Variants in MYO16 observed in about 807,000 individuals in gnomAD.
The protein encoded by MYO16 is myosin XVI, also known as unconventional myosin-XVI.
MYO16 carries 94 observed loss-of-function variants against 205.3 expected under a neutral mutation model. That is an observed-to-expected ratio of 0.46 (90% CI 0.39 to 0.54). MYO16 has a LOEUF of 0.54. Among genes scored for constraint, MYO16 ranks in the 20% least tolerant of loss-of-function variants. The pLI is 0.00. For synonymous variants in MYO16, 988 were observed against 954.0 expected, an observed-to-expected ratio of 1.04 and a Z score of -0.66; for missense variants, 2,315 against 2,387.5, an observed-to-expected ratio of 0.97 and a Z score of 0.63.
intron 34 of MYO16, among the ~76,000 whole-genome samples, chr13:109,181,822 T>C (rs1438942086): frequency 5.1e-5 from 7 of 138,464 alleles, no homozygotes. Context: ...ATTTATTTTA[T>C]TTTATTTTTT....
the MYO16 span, among the ~76,000 whole-genome samples, chr13:108,590,365 C>T: frequency 7.2e-5 from 11 of 151,970 alleles, no homozygotes; most frequent in Non-Finnish European, 1.0e-4. Flanking sequence ...TGATTGTAGC[C>T]GAGTATTGAT....
chr13:108,816,486 C>G (rs968049190), intron 7 of MYO16, among the ~76,000 whole-genome samples: 1 of 151,962 alleles, frequency 6.6e-6, no homozygotes, highest in Non-Finnish European at 1.5e-5. Context: ...CAGCATTAAC[C>G]ATATCTCTCC....
chr13:109,023,780 T>C (rs906513609), intron 23 of MYO16, among the ~76,000 whole-genome samples: 3 of 125,952 alleles, frequency 2.4e-5, no homozygotes, highest in Non-Finnish European at 3.3e-5. Flanking sequence ...TATATACATA[T>C]TATATGCATA....
At chr13:108,717,308 T>C (rs1444238974) in intron 3 of MYO16, among the ~76,000 whole-genome samples, 1 of 152,066 alleles carries the variant, frequency 6.6e-6, no homozygotes, top group Non-Finnish European at 1.5e-5. Flanking sequence ...TATAGGAATT[T>C]AAACAGTGGA....
At chr13:109,009,645 AT>A (rs1159387672) in intron 22 of MYO16, among the ~76,000 whole-genome samples, 1 of 152,220 alleles carries the variant, frequency 6.6e-6, no homozygotes, top group Non-Finnish European at 1.5e-5. Flanking sequence ...ATAAGAAAAC[AT>A]TATATGGATT....
At chr13:108,907,000 C>A (rs910688855) in intron 15 of MYO16, among the ~76,000 whole-genome samples, 1 of 152,060 alleles carries the variant, frequency 6.6e-6, no homozygotes. Context: ...TATCCGAATT[C>A]GTTGATAGTA....
chr13:108,859,866 GA>G, intron 11 of MYO16, among the ~76,000 whole-genome samples: 1 of 152,284 alleles, frequency 6.6e-6, no homozygotes, highest in South Asian at 2.1e-4. Flanking sequence ...TTAGCCAAGA[GA>G]ATTCTGAAAC....
chr13:109,030,185 C>T (rs916533368), intron 23 of MYO16, among the ~76,000 whole-genome samples: 3 of 139,628 alleles, frequency 2.1e-5, no homozygotes, highest in Admixed American at 7.2e-5. Context: ...AAAAAACTAG[C>T]GGATAGAATC....
intron 22 of MYO16, among the ~76,000 whole-genome samples, chr13:109,017,955 G>A (rs1179991608): frequency 1.3e-5 from 2 of 152,176 alleles, no homozygotes; most frequent in African/African-American, 4.8e-5. Flanking sequence ...ACTTTCTGAA[G>A]CCTACTTCTT....
rs113530026 is a variant in MYO16, at chr13:108,709,975, A to C, written c.293-2686A>C. ...CTCAGATTGCCCTTTTCTCACTAGG[A>C]TGATGCCGGGCTGGATGGAGGAAGA... On this transcript the variant is annotated intron_variant, in intron 2 of 34. Coordinates refer to ENST00000457511, the MANE Select transcript of MYO16 (RefSeq NM_001198950.3). 6.9e-5 allele frequency among the ~76,000 whole-genome samples: 8 copies of C among 115,954 alleles called. 3 individuals are homozygous for C. Among genetic ancestry groups the C allele is most frequent in the Middle Eastern group, 4.9e-3 (1 of 204 alleles). 76.1% of individuals were successfully genotyped at this position (115,954 alleles called of 152,430 possible).
At chr13:109,139,581 G>A (rs571066116) in intron 31 of MYO16, among the ~76,000 whole-genome samples, 8 of 152,332 alleles carry the variant, frequency 5.3e-5, no homozygotes, top group Admixed American at 5.2e-4. Context: ...GGCTTTATTC[G>A]GCCGGGAGCT....
chr13:108,639,367 T>C (rs1406739114), intron 1 of MYO16, among the ~76,000 whole-genome samples: 1 of 152,186 alleles, frequency 6.6e-6, no homozygotes, highest in Non-Finnish European at 1.5e-5. Flanking sequence ...ATATCCTACG[T>C]AGGGTAATTA....
At chr13:108,885,276 C>T (rs893088433) in intron 13 of MYO16, among the ~76,000 whole-genome samples, 3 of 152,220 alleles carry the variant, frequency 2.0e-5, no homozygotes, top group Non-Finnish European at 4.4e-5. Context: ...TGTGCCACCA[C>T]GCCCGGCTAA....
intron 32 of MYO16, among the ~76,000 whole-genome samples, chr13:109,155,173 G>C (rs376376449): frequency 1.3e-5 from 2 of 152,186 alleles, no homozygotes; most frequent in South Asian, 2.1e-4. Context: ...TGAAGACATC[G>C]CTCTGTTTCC....
chr13:108,728,804 G>A (rs770816727), intron 4 of MYO16, among the ~76,000 whole-genome samples: 10 of 152,182 alleles, frequency 6.6e-5, no homozygotes, highest in Non-Finnish European at 1.5e-4. Flanking sequence ...CTACTAGGGA[G>A]CATAGCTTTT....
chr13:108,932,253 G>A (rs977718703), intron 16 of MYO16, among the ~76,000 whole-genome samples: 8 of 152,104 alleles, frequency 5.3e-5, no homozygotes, highest in African/African-American at 1.9e-4. Flanking sequence ...GTTAAAACCT[G>A]CTTATTACAT....
chr13:108,518,606 C>A, the MYO16 span, among the ~76,000 whole-genome samples: 5 of 152,126 alleles, frequency 3.3e-5, no homozygotes, highest in African/African-American at 1.2e-4. Context: ...TTAGAGCTTC[C>A]ATTCACCATG....
intron 5 of MYO16, among the ~76,000 whole-genome samples, chr13:108,787,306 C>T (rs546101073): frequency 6.6e-6 from 1 of 152,224 alleles, no homozygotes; most frequent in African/African-American, 2.4e-5. Context: ...GTTGGTCATA[C>T]TGCAATGAAT....
intron 16 of MYO16, among the ~76,000 whole-genome samples, chr13:108,926,324 A>G (rs1000372077): frequency 1.3e-5 from 2 of 152,200 alleles, no homozygotes; most frequent in Admixed American, 6.5e-5. Context: ...TATCTATTGT[A>G]TTTGAAGTAC....
Sources: allele counts gnomAD v4.1 joint callset (sites outside exome capture counted in the v4.1 genomes callset), GRCh38; gene constraint gnomAD v4.1.1; transcripts MANE v1.5; gene names NCBI Gene and HGNC (gene_info 2026-07-23, HGNC 2026-07-21).